Variants in DERPC observed in about 807,000 individuals in gnomAD.
DERPC encodes the protein decreased expression in renal and prostate cancer protein.
A neutral mutation model predicts 7.2 loss-of-function variants in DERPC; 1 was observed. The ratio of observed to expected loss-of-function variants is 0.14; its 90% CI spans 0.05 to 0.66. The LOEUF (loss-of-function observed/expected upper bound fraction) is 0.66, where lower values mean the gene tolerates loss of function less well. Among genes scored for constraint, DERPC ranks in the 30% least tolerant of loss-of-function variants. The probability of loss-of-function intolerance (pLI) is 0.84; values close to 1 mark genes in which losing one functional copy is unlikely to be tolerated. For missense variants in DERPC, 502 were observed against 299.4 expected, an observed-to-expected ratio of 1.68 and a Z score of -4.99; for synonymous variants, 185 against 117.6, an observed-to-expected ratio of 1.57 and a Z score of -3.71.
intron 1 of DERPC, among the ~76,000 whole-genome samples, chr16:69,127,931 T>C (rs1331909624): frequency 1.4e-5 from 2 of 142,524 alleles, no homozygotes; most frequent in Non-Finnish European, 3.1e-5. Flanking sequence ...TCTTCTTTTT[T>C]TGAGACAGAG....
Position 69,119,655 on chromosome 16 carries a change from G to A in DERPC, c.774C>T (p.Gly258=), listed in dbSNP as rs867734188. The A allele has an allele frequency of 3.1e-5, 21 of 676,198 alleles. No individual in the cohort carries two copies. The highest frequency in any genetic ancestry group is 2.4e-4 in the Middle Eastern group (1 of 4,220). 41.9% of individuals were successfully genotyped at this position (676,198 alleles called of 1,614,324 possible). Residue 258 remains glycine (G), a synonymous_variant, in exon 3 of 3, where the codon GGC becomes GGT. Coordinates refer to ENST00000519520, the MANE Select transcript of DERPC (RefSeq NM_001002847.4). ...NLDARAGGLL[G]TGSGLNLRMA... is the part of the protein sequence containing the mutation. The stretch of plus-strand genomic sequence containing the variant: ...TTCTTAAGTTAAGACCAGATCCTGT[G>A]CCCAAGAGGCCACCTGCTCTGGCAT...
At chr16:69,121,070 G>A in intron 2 of DERPC, 1 of 1,613,948 alleles carries the variant, frequency 6.2e-7, no homozygotes, top group Non-Finnish European at 8.5e-7. Context: ...GTGTAATGTA[G>A]GTCTCCCAGG....
At chr16:69,127,081 T>C (rs1962113544) in intron 1 of DERPC, among the ~76,000 whole-genome samples, 1 of 151,872 alleles carries the variant, frequency 6.6e-6, no homozygotes, top group South Asian at 2.1e-4. Flanking sequence ...CTACCAAAAA[T>C]ACAAAAATTA....
intron 1 of DERPC, among the ~76,000 whole-genome samples, chr16:69,125,901 A>G (rs1962026830): frequency 6.6e-6 from 1 of 152,236 alleles, no homozygotes; most frequent in Non-Finnish European, 1.5e-5. Context: ...AAGACCAAAT[A>G]TAACATCTGC....
chr16:69,127,455 G>T (rs1003558749), intron 1 of DERPC, among the ~76,000 whole-genome samples: 3 of 152,052 alleles, frequency 2.0e-5, no homozygotes, highest in African/African-American at 7.2e-5. Context: ...AAGACGACTA[G>T]AGCAATTTCT....
At position 69,118,207 on chromosome 16, in the gene DERPC, G is replaced by T. The variant is rs1961307650; in HGVS notation, c.*647C>A. On this transcript the variant is annotated 3_prime_UTR_variant, in exon 3 of 3. Coordinates refer to ENST00000519520, the MANE Select transcript of DERPC (RefSeq NM_001002847.4). ...TTGATTGATTGGGAGTACCAGTGAAGAGGGAGTTGGATGAGTAGAGGGGCC... is the reference window on the plus strand; with the variant it reads ...TTGATTGATTGGGAGTACCAGTGAATAGGGAGTTGGATGAGTAGAGGGGCC... 3 of 543,162 alleles carry T rather than the reference G, an allele frequency of 5.5e-6. 1 individual carries two copies. In the South Asian group the frequency reaches 5.7e-5, roughly 10 times the overall value. 33.6% of individuals were successfully genotyped at this position (543,162 alleles called of 1,614,324 possible).
At position 69,121,497 on chromosome 16, in the gene DERPC, T is replaced by TA; in HGVS notation, c.-279-5dup. ...TTAAAAAGCAAGTGAAAACAAGCTGTAGAGAGAAAAAAAGAGATTTAGGGT... is the reference window on the plus strand; with the variant it reads ...TTAAAAAGCAAGTGAAAACAAGCTGTAAGAGAGAAAAAAAGAGATTTAGGGT... On this transcript the variant is annotated splice_region_variant and splice_polypyrimidine_tract_variant and intron_variant, in intron 1 of 2. Coordinates refer to ENST00000519520, the MANE Select transcript of DERPC (RefSeq NM_001002847.4). 6.4e-7 allele frequency: 1 copy of TA among 1,568,204 alleles called. No individual in the cohort carries two copies. Among genetic ancestry groups the TA allele is most frequent in the African/African-American group, 1.4e-5 (1 of 72,690 alleles).
chr16:69,126,827 C>T (rs1962092615), intron 1 of DERPC, among the ~76,000 whole-genome samples: 1 of 152,106 alleles, frequency 6.6e-6, no homozygotes, highest in Non-Finnish European at 1.5e-5. Flanking sequence ...TTTCTTGCTC[C>T]TTGAGATTCT....
In DERPC at chr16:69,120,743, C is replaced by T; in HGVS notation, c.-221-94G>A. The T allele has an allele frequency of 9.4e-7, 1 of 1,065,036 alleles. No homozygotes were observed. 66.0% of individuals were successfully genotyped at this position (1,065,036 alleles called of 1,614,324 possible). On this transcript the variant is annotated intron_variant, in intron 2 of 2. Transcript: ENST00000519520. This position sits in a 1 kb window ranked among gnomAD's most constrained non-coding sequence, Gnocchi z 4.0. ...AGCTGCTCTTGGCAGGCTATGCTGGCACCTCCAATCCCTGGTCTGGCTCTG... is the reference window on the plus strand; with the variant it reads ...AGCTGCTCTTGGCAGGCTATGCTGGTACCTCCAATCCCTGGTCTGGCTCTG...
rs1425598691 is a variant in DERPC at position 69,121,759 on chromosome 16, C to T, written c.-279-266G>A. On this transcript the variant is annotated intron_variant, in intron 1 of 2. Transcript: ENST00000519520. ...CTCAGCTCACTGCAAGCTCCGCCTC[C>T]GGGGTTCATGCCATTCTCCTGCCTC... is the stretch of plus-strand genomic sequence containing the variant. Among the ~76,000 whole-genome samples, 15 of 152,246 alleles carry T rather than the reference C, an allele frequency of 9.9e-5. No individual in the cohort carries two copies. The East Asian group carries it at 1.5e-3, about 16-fold the overall frequency.
Position 69,120,005 on chromosome 16 carries a change from G to C in DERPC, c.424C>G (p.Leu142Val). ...RTGALPGPGP[L>V]SNPRLGGLPG... ...AGACCCCCTAACCTGGGGTTAGACA[G>C]AGGCCCTGGGCCTGGCAGAGCCCCT... The change falls in exon 3 of 3, where the codon CTG becomes GTG. Residue 142 changes from leucine (L) to valine (V), a missense_variant. By Grantham distance (32) the Leu-to-Val change is conservative (BLOSUM62 1). Coordinates refer to ENST00000519520, the MANE Select transcript of DERPC (RefSeq NM_001002847.4). This position sits in a 1 kb window ranked among gnomAD's most constrained non-coding sequence, Gnocchi z 4.0. The C allele has an allele frequency of 1.4e-6, 1 of 693,716 alleles. No homozygotes were observed. The highest frequency in any genetic ancestry group is 1.5e-5 in the South Asian group (1 of 67,204). The allele number at this position is 693,716 out of a possible 1,614,324, so 43.0% of individuals were successfully genotyped here.
intron 1 of DERPC, among the ~76,000 whole-genome samples, chr16:69,128,128 T>C (rs1312212674): frequency 6.6e-6 from 1 of 151,842 alleles, no homozygotes; most frequent in African/African-American, 2.4e-5. Flanking sequence ...TTAGTCAGGC[T>C]GGTCTTGAAC....
rs780981876 is a variant in DERPC at position 69,118,304 on chromosome 16, C to A, written c.*550G>T. 1.7e-6 allele frequency: 2 copies of A among 1,155,634 alleles called. No individual in the cohort carries two copies. Among genetic ancestry groups the A allele is most frequent in the South Asian group, 1.2e-5 (1 of 81,576 alleles). The allele number at this position is 1,155,634 out of a possible 1,614,324, so 71.6% of individuals were successfully genotyped here. A position where few individuals can be genotyped will look rare whatever the true frequency, so the allele number is the denominator to read the frequency against. On this transcript the variant is annotated 3_prime_UTR_variant, in exon 3 of 3. Coordinates refer to ENST00000519520, the MANE Select transcript of DERPC (RefSeq NM_001002847.4). ...CAGTCAGTCAAGCAGAAACTGCATTCGGTGGGTCTTTCTTTGAAGTGGTTG... is the reference window on the plus strand; with the variant it reads ...CAGTCAGTCAAGCAGAAACTGCATTAGGTGGGTCTTTCTTTGAAGTGGTTG...
At chr16:69,121,817 G>A (rs934265324) in intron 1 of DERPC, among the ~76,000 whole-genome samples, 1 of 152,126 alleles carries the variant, frequency 6.6e-6, no homozygotes, top group Non-Finnish European at 1.5e-5. Context: ...ACAGGTGCCC[G>A]CCACCACGGC....
chr16:69,123,632 A>T (rs1961841994), intron 1 of DERPC, among the ~76,000 whole-genome samples: 1 of 152,148 alleles, frequency 6.6e-6, no homozygotes, highest in South Asian at 2.1e-4. Context: ...TGGGCGACAG[A>T]GTGAGACTGT....
chr16:69,120,682 TC>T lies in DERPC; in HGVS notation c.-221-34del, dbSNP rs1452162982. On this transcript the variant is annotated intron_variant, in intron 2 of 2. Transcript: ENST00000519520. The surrounding 1 kb of genome is among the most constrained non-coding windows in gnomAD (Gnocchi z 4.0). ...AGAACAAGAACGAGATTCCTGAGGT[TC>T]CGGGGCAAGGCCATAACACTCAGGC... is the stretch of plus-strand genomic sequence containing the variant. The T allele has an allele frequency of 1.9e-6, 3 of 1,582,476 alleles. No individual in the cohort carries two copies. In the East Asian group the frequency reaches 6.8e-5, roughly 36 times the overall value.
At position 69,120,700 on chromosome 16, in the gene DERPC, C is replaced by G. The variant is rs934473496; in HGVS notation, c.-221-51G>C. ...CTGAGGTTCCGGGGCAAGGCCATAA[C>G]ACTCAGGCGCCTCCTAAAGCTGCTC... On this transcript the variant is annotated intron_variant, in intron 2 of 2. Coordinates refer to ENST00000519520, the MANE Select transcript of DERPC (RefSeq NM_001002847.4). This position sits in a 1 kb window ranked among gnomAD's most constrained non-coding sequence, Gnocchi z 4.0. 11 of 1,493,248 alleles carry G rather than the reference C, an allele frequency of 7.4e-6. No individual in the cohort carries two copies. Among genetic ancestry groups the G allele is most frequent in the Non-Finnish European group, 1.0e-5 (11 of 1,084,328 alleles). The allele number at this position is 1,493,248 out of a possible 1,614,324, so 92.5% of individuals were successfully genotyped here.
In DERPC at chr16:69,130,600, A is replaced by G. The variant is rs144220096; in HGVS notation, c.-280+1884T>C. ...GTTTAACCTCACGTGTTTTCCTAAC[A>G]ATACACTGGGCATAAACACCTATTT... On this transcript the variant is annotated intron_variant, in intron 1 of 2. Coordinates refer to ENST00000519520, the MANE Select transcript of DERPC (RefSeq NM_001002847.4). Among the ~76,000 whole-genome samples, 34 of 152,312 alleles carry G rather than the reference A, an allele frequency of 2.2e-4. No individual in the cohort carries two copies. In the East Asian group the frequency reaches 6.4e-3, roughly 28 times the overall value.
chr16:69,121,268 G>T, intron 2 of DERPC, 168 bp downstream of exon 2: 1 of 1,313,804 alleles, frequency 7.6e-7, no homozygotes, highest in Non-Finnish European at 1.1e-6. Flanking sequence ...CTCTTTGTTG[G>T]ATGTCAAGTT....
Sources: allele counts gnomAD v4.1 joint callset (sites outside exome capture counted in the v4.1 genomes callset), GRCh38; gene constraint gnomAD v4.1.1; non-coding constraint Gnocchi (gnomAD v3.1); transcripts MANE v1.5; gene names NCBI Gene and HGNC (gene_info 2026-07-23, HGNC 2026-07-21).